CAP2: variants seen among roughly 807,000 people sequenced by gnomAD.
CAP2 encodes adenylyl cyclase-associated protein 2.
In CAP2, 24 loss-of-function variants were observed where a neutral mutation model predicts 57.7. That is an observed-to-expected ratio of 0.42 (90% CI 0.30 to 0.58). CAP2 has a LOEUF of 0.58. Ranked by LOEUF, CAP2 falls within the 20% of genes least tolerant of loss-of-function variation. The pLI, the probability that CAP2 is intolerant of heterozygous loss-of-function variation, is 0.22. For synonymous variants in CAP2, 194 were observed against 207.2 expected, an observed-to-expected ratio of 0.94 and a Z score of 0.55; for missense variants, 501 against 590.3, an observed-to-expected ratio of 0.85 and a Z score of 1.57.
chr6:17,532,127 T>G (rs1404715457), intron 7 of CAP2, among the ~76,000 whole-genome samples: 1 of 150,216 alleles, frequency 6.7e-6, no homozygotes, highest in African/African-American at 2.5e-5. Flanking sequence ...TTGTTGGGTT[T>G]GAAAATCTTT....
intron 4 of CAP2, among the ~76,000 whole-genome samples, chr6:17,496,671 G>C (rs1761676402): frequency 6.6e-6 from 1 of 152,138 alleles, no homozygotes. Context: ...GGAAGATGAT[G>C]TTACCCTTAA....
chr6:17,438,158 G>C (rs1759952943), intron 3 of CAP2, among the ~76,000 whole-genome samples: 1 of 151,004 alleles, frequency 6.6e-6, no homozygotes, highest in Non-Finnish European at 1.5e-5. Context: ...ACAAGGTCAG[G>C]AGTTCAAGAC....
At chr6:17,541,348 G>T (rs1230168959) in intron 9 of CAP2, among the ~76,000 whole-genome samples, 200 bp downstream of exon 9, 1 of 152,082 alleles carries the variant, frequency 6.6e-6, no homozygotes, top group Non-Finnish European at 1.5e-5. Flanking sequence ...GGGGGTTTGA[G>T]GTGGGAGGAT....
At chr6:17,440,991 G>C (rs1760058787) in intron 3 of CAP2, among the ~76,000 whole-genome samples, 1 of 151,152 alleles carries the variant, frequency 6.6e-6, no homozygotes, top group Non-Finnish European at 1.5e-5. Flanking sequence ...CGCTACAAAG[G>C]ACATGAACTC....
chr6:17,546,905 A>G (rs576746632), intron 11 of CAP2, among the ~76,000 whole-genome samples: 44 of 152,342 alleles, frequency 2.9e-4, no homozygotes, highest in Admixed American at 1.0e-3. Context: ...CTGTTTGCAG[A>G]TGACATGATT....
chr6:17,393,872 T>A (rs150235640), intron 1 of CAP2, 126 bp downstream of exon 1: 1 of 147,668 alleles, frequency 6.8e-6, no homozygotes, highest in African/African-American at 2.5e-5. Context: ...GCCGGGACGC[T>A]GCGGCTGTGG....
At chr6:17,499,009 G>A (rs1055210537) in intron 4 of CAP2, among the ~76,000 whole-genome samples, 1 of 151,864 alleles carries the variant, frequency 6.6e-6, no homozygotes, top group Non-Finnish European at 1.5e-5. Context: ...GATTACAGGC[G>A]TGAGCCACCA....
At chr6:17,438,433 GTTTTTTTTTTTT>G (rs773266583) in intron 3 of CAP2, among the ~76,000 whole-genome samples, 2 of 58,374 alleles carry the variant, frequency 3.4e-5, no homozygotes, top group Admixed American at 2.2e-4. Flanking sequence ...ATCCAGAAGT[GTTTTTTTTTTTT>G]TTTTTTTTTT....
At chr6:17,480,908 A>T in intron 4 of CAP2, among the ~76,000 whole-genome samples, 1 of 144,408 alleles carries the variant, frequency 6.9e-6, no homozygotes, top group Admixed American at 7.0e-5. Context: ...CTGCCTGAGT[A>T]GCTGGGATTA....
At chr6:17,428,293 C>T (rs915436061) in intron 3 of CAP2, among the ~76,000 whole-genome samples, 13 of 152,064 alleles carry the variant, frequency 8.5e-5, no homozygotes, top group Non-Finnish European at 7.4e-5. Flanking sequence ...GCATCATCTC[C>T]GGGGTTAGTC....
intron 7 of CAP2, among the ~76,000 whole-genome samples, chr6:17,532,332 G>A (rs929134772): frequency 1.3e-5 from 2 of 150,436 alleles, no homozygotes; most frequent in Admixed American, 6.6e-5. Flanking sequence ...GTAGAGACAG[G>A]GTTTCACCAT....
chr6:17,454,887 G>A (rs1312011006), intron 3 of CAP2, among the ~76,000 whole-genome samples: 1 of 152,140 alleles, frequency 6.6e-6, no homozygotes, highest in Non-Finnish European at 1.5e-5. Flanking sequence ...TGACACTTGG[G>A]CAGAGAGCTT....
At chr6:17,488,232 G>A (rs1017865800) in intron 4 of CAP2, among the ~76,000 whole-genome samples, 3 of 152,170 alleles carry the variant, frequency 2.0e-5, no homozygotes, top group Admixed American at 6.5e-5. Flanking sequence ...TGCCATTCAG[G>A]AAAATTTGTT....
intron 4 of CAP2, among the ~76,000 whole-genome samples, chr6:17,477,558 G>C (rs1387472485): frequency 1.3e-5 from 2 of 152,160 alleles, no homozygotes; most frequent in African/African-American, 4.8e-5. Flanking sequence ...CTTTCTGTCT[G>C]TGGAAAGTCA....
At chr6:17,419,258 A>T (rs976671937) in intron 1 of CAP2, among the ~76,000 whole-genome samples, 1 of 152,250 alleles carries the variant, frequency 6.6e-6, no homozygotes, top group Non-Finnish European at 1.5e-5. Flanking sequence ...CAGCAGAAAC[A>T]TAAAATATTT....
intron 4 of CAP2, among the ~76,000 whole-genome samples, chr6:17,483,850 A>G (rs9477454): frequency 0.022 from 3,360 of 152,120 alleles, 115 homozygotes; most frequent in African/African-American, 0.075. Context: ...CTCAGTGATA[A>G]GGAGCACTCA....
intron 4 of CAP2, among the ~76,000 whole-genome samples, chr6:17,477,576 T>C (rs1470407596): frequency 6.6e-6 from 1 of 152,192 alleles, no homozygotes; most frequent in Non-Finnish European, 1.5e-5. Flanking sequence ...TCAACCCTAA[T>C]TACTTTTTAC....
chr6:17,491,335 G>A (rs191418638), intron 4 of CAP2, among the ~76,000 whole-genome samples: 48 of 152,238 alleles, frequency 3.2e-4, no homozygotes, highest in African/African-American at 1.0e-3. Flanking sequence ...ACCGCATATC[G>A]TGGGCACCAT....
intron 3 of CAP2, among the ~76,000 whole-genome samples, chr6:17,462,340 A>T (rs193124489): frequency 5.2e-4 from 79 of 152,314 alleles, no homozygotes; most frequent in African/African-American, 1.9e-3. Context: ...GAAAGAGGGT[A>T]AGAGAGAGAC....
Sources: allele counts gnomAD v4.1 joint callset (sites outside exome capture counted in the v4.1 genomes callset), GRCh38; gene constraint gnomAD v4.1.1; transcripts MANE v1.5; gene names NCBI Gene and HGNC (gene_info 2026-07-23, HGNC 2026-07-21).